Variants in RBMS3 observed in about 807,000 individuals in gnomAD.
RBMS3 encodes RNA binding motif single stranded interacting protein 3.
Under a neutral mutation model 66.8 loss-of-function variants are expected in RBMS3, and 27 were observed. The observed-to-expected ratio is 0.40, with a 90% CI of 0.30 to 0.56. The LOEUF is 0.56. RBMS3 is among the 20% of genes least tolerant of loss of function. The pLI, the probability that RBMS3 is intolerant of heterozygous loss-of-function variation, is 0.40. For synonymous variants in RBMS3, 188 were observed against 183.0 expected, an observed-to-expected ratio of 1.03 and a Z score of -0.22; for missense variants, 513 against 549.5, an observed-to-expected ratio of 0.93 and a Z score of 0.66.
At chr3:29,392,336 T>C (rs1366548060) in intron 1 of RBMS3, among the ~76,000 whole-genome samples, 4 of 152,202 alleles carry the variant, frequency 2.6e-5, no homozygotes, top group African/African-American at 9.6e-5. Flanking sequence ...AATGAATATG[T>C]GTATGATACT....
intron 11 of RBMS3, among the ~76,000 whole-genome samples, chr3:29,936,833 G>A (rs761843878): frequency 6.6e-6 from 1 of 151,996 alleles, no homozygotes; most frequent in Non-Finnish European, 1.5e-5. Flanking sequence ...TATCAATGAG[G>A]CATTTTAAAT....
chr3:29,356,208 T>G (rs1489451263), intron 1 of RBMS3, among the ~76,000 whole-genome samples: 1 of 152,174 alleles, frequency 6.6e-6, no homozygotes, highest in Non-Finnish European at 1.5e-5. Flanking sequence ...TCAAAATTAC[T>G]CTTGAGAAAC....
chr3:29,575,521 T>C (rs938684262), intron 3 of RBMS3, among the ~76,000 whole-genome samples: 4 of 152,160 alleles, frequency 2.6e-5, no homozygotes, highest in African/African-American at 9.7e-5. Flanking sequence ...AACTTTCTTG[T>C]GCTTGAATGT....
At chr3:29,763,093 G>T in intron 6 of RBMS3, 104 bp downstream of exon 6, 2 of 719,446 alleles carry the variant, frequency 2.8e-6, no homozygotes, top group Non-Finnish European at 2.3e-6. Context: ...AGAGTTGGGG[G>T]GTTTGCTTTT....
intron 3 of RBMS3, among the ~76,000 whole-genome samples, chr3:29,528,894 C>G (rs1380453365): frequency 1.3e-5 from 2 of 152,008 alleles, no homozygotes; most frequent in Non-Finnish European, 2.9e-5. Context: ...TCACCACACC[C>G]AGCTAATTTT....
chr3:29,857,016 T>C, intron 6 of RBMS3, among the ~76,000 whole-genome samples: 1 of 152,194 alleles, frequency 6.6e-6, no homozygotes, highest in East Asian at 1.9e-4. Context: ...CCATCTCAGG[T>C]CATTACACCT....
At chr3:29,959,317 A>G (rs566752551) in intron 12 of RBMS3, among the ~76,000 whole-genome samples, 2 of 152,326 alleles carry the variant, frequency 1.3e-5, no homozygotes, top group South Asian at 2.1e-4. Context: ...TTTTAAAGCA[A>G]TAGTTCTCAA....
chr3:29,289,625 A>G (rs1206871142), intron 1 of RBMS3, among the ~76,000 whole-genome samples: 1 of 151,890 alleles, frequency 6.6e-6, no homozygotes, highest in African/African-American at 2.4e-5. Context: ...TGGAACCCGG[A>G]ATTTTGTTTC....
intron 6 of RBMS3, among the ~76,000 whole-genome samples, chr3:29,860,060 A>G (rs1577014935): frequency 6.6e-6 from 1 of 152,240 alleles, no homozygotes; most frequent in South Asian, 2.1e-4. Flanking sequence ...GTGTTTTGGG[A>G]TAAGTGAAAA....
chr3:29,406,724 C>G (rs1018831489), intron 1 of RBMS3, among the ~76,000 whole-genome samples: 3 of 152,184 alleles, frequency 2.0e-5, no homozygotes, highest in Non-Finnish European at 4.4e-5. Context: ...TGCACATACA[C>G]ATACACAAAC....
chr3:29,899,968 G>C (rs1391285108), intron 10 of RBMS3, among the ~76,000 whole-genome samples: 1 of 151,492 alleles, frequency 6.6e-6, no homozygotes, highest in Non-Finnish European at 1.5e-5. Context: ...GATAAAGAGA[G>C]AGGGTGAAAA....
intron 6 of RBMS3, among the ~76,000 whole-genome samples, chr3:29,831,825 AT>A (rs926603590): frequency 6.6e-6 from 1 of 151,896 alleles, no homozygotes. Flanking sequence ...GTGTTAACAC[AT>A]TTTTTATTCA....
chr3:29,886,511 T>C (rs1351487943), intron 8 of RBMS3, among the ~76,000 whole-genome samples: 1 of 151,768 alleles, frequency 6.6e-6, no homozygotes, highest in East Asian at 1.9e-4. Context: ...AGGATAGACA[T>C]AGGGAAAGAT....
chr3:30,001,527 T>C (rs1699609624), intron 14 of RBMS3, among the ~76,000 whole-genome samples: 1 of 151,998 alleles, frequency 6.6e-6, no homozygotes, highest in African/African-American at 2.4e-5. Context: ...AACCCTGGTA[T>C]TGCAAGTTCT....
chr3:29,604,104 A>G (rs539259109), intron 4 of RBMS3, among the ~76,000 whole-genome samples: 1 of 152,004 alleles, frequency 6.6e-6, no homozygotes, highest in South Asian at 2.1e-4. Context: ...TAAAATATCA[A>G]TAATGTCAAG....
chr3:29,920,985 G>A (rs1289924723), intron 10 of RBMS3, among the ~76,000 whole-genome samples: 1 of 152,048 alleles, frequency 6.6e-6, no homozygotes, highest in African/African-American at 2.4e-5. Context: ...GTCTTATACC[G>A]AGGCCATTGG....
intron 12 of RBMS3, among the ~76,000 whole-genome samples, chr3:29,954,462 T>G (rs1213255502): frequency 6.6e-6 from 1 of 152,016 alleles, no homozygotes; most frequent in African/African-American, 2.4e-5. Context: ...GCCAAGATGT[T>G]TTAAGTGTAG....
chr3:29,799,490 G>C (rs762272787), intron 6 of RBMS3, among the ~76,000 whole-genome samples: 4 of 151,886 alleles, frequency 2.6e-5, no homozygotes, highest in Non-Finnish European at 5.9e-5. Context: ...CAACAAAAAC[G>C]AAATCCTGGA....
rs1459965003 is a variant in RBMS3, at chr3:29,925,573, T to G, written c.940-10513T>G. ...ATTACTAATATTATTCCAAGCTATC[T>G]GGCTCTCAAGCAAGAACAAACAAAG... On this transcript the variant is annotated intron_variant, in intron 10 of 14. Transcript: ENST00000383767. Among the ~76,000 whole-genome samples the G allele has an allele frequency of 2.0e-5, 3 of 152,344 alleles. No homozygotes were observed. In the East Asian group the frequency reaches 5.8e-4, roughly 29 times the overall value.
Sources: allele counts gnomAD v4.1 joint callset (sites outside exome capture counted in the v4.1 genomes callset), GRCh38; gene constraint gnomAD v4.1.1; transcripts MANE v1.5; gene names NCBI Gene and HGNC (gene_info 2026-07-23, HGNC 2026-07-21).